Variants in SIRPA observed in about 807,000 individuals in gnomAD.
The protein encoded by SIRPA is tyrosine-protein phosphatase non-receptor type substrate 1.
Under a neutral mutation model 50.3 loss-of-function variants are expected in SIRPA, and 9 were observed. The ratio of observed to expected loss-of-function variants is 0.18; its 90% CI spans 0.11 to 0.31. The LOEUF is 0.31. Among genes scored for constraint, SIRPA ranks in the 10% least tolerant of loss-of-function variants. The pLI is 1.00. For missense variants in SIRPA, 474 were observed against 661.6 expected (o/e 0.72, Z 3.11); for synonymous variants, 265 against 284.1 (o/e 0.93, Z 0.68).
rs1225699405 is a variant in SIRPA, at chr20:1,924,643, A to G, written c.1088-121A>G. 3.9e-6 allele frequency: 3 copies of G among 773,920 alleles called. No individual in the cohort carries two copies. The highest frequency in any genetic ancestry group is 6.6e-6 in the Non-Finnish European group (3 of 456,918). 47.9% of individuals were successfully genotyped at this position (773,920 alleles called of 1,614,324 possible). ...TGTGCCCATGTGGCTCGAGACATCTAAGAAGGTCCAGCCAGATGTTCTCAG... is the reference window on the plus strand; with the variant it reads ...TGTGCCCATGTGGCTCGAGACATCTGAGAAGGTCCAGCCAGATGTTCTCAG... On this transcript the variant is annotated intron_variant, in intron 4 of 7. Transcript: ENST00000358771. This position sits in a 1 kb window ranked among gnomAD's most constrained non-coding sequence, Gnocchi z 4.5.
At chr20:1,897,775 G>T (rs537686283) in intron 1 of SIRPA, among the ~76,000 whole-genome samples, 2 of 152,144 alleles carry the variant, frequency 1.3e-5, no homozygotes, top group Non-Finnish European at 2.9e-5. Flanking sequence ...TATCCTGGGT[G>T]GGGGAGGCAA....
chr20:1,900,617 CAGA>C lies in SIRPA; in HGVS notation c.79+5096_79+5098del, dbSNP rs553086025. Among the ~76,000 whole-genome samples the C allele has an allele frequency of 2.2e-4, 34 of 152,260 alleles. No homozygotes were observed. The South Asian group carries it at 6.8e-3, about 31-fold the overall frequency. On this transcript the variant is annotated intron_variant, in intron 1 of 7. Transcript: ENST00000358771. ...TTCATCCAGTGCCTTATGGTGCGGC[CAGA>C]AGAACAGAGAGAAAAAAACTGGCCG...
intron 2 of SIRPA, among the ~76,000 whole-genome samples, chr20:1,920,733 T>C (rs1000615127): frequency 1.3e-5 from 2 of 152,220 alleles, no homozygotes; most frequent in African/African-American, 4.8e-5. Flanking sequence ...AATTCATAAA[T>C]ACCTGAAGAG....
At chr20:1,911,341 A>G (rs1984876248) in intron 1 of SIRPA, among the ~76,000 whole-genome samples, 1 of 152,222 alleles carries the variant, frequency 6.6e-6, no homozygotes. Context: ...AATGTTGATT[A>G]CAGTTATCTT....
intron 1 of SIRPA, among the ~76,000 whole-genome samples, chr20:1,903,011 CAA>C (rs58735842): frequency 8.8e-5 from 8 of 90,882 alleles, no homozygotes; most frequent in East Asian, 3.7e-4. Context: ...GACTCTGTCT[CAA>C]AAAAAAAAAA....
chr20:1,915,012 A>T (rs113961013), intron 1 of SIRPA, 87 bp from the exon 2 acceptor site: 304,444 of 1,005,542 alleles, frequency 0.3, 57,319 homozygotes, highest in East Asian at 0.64. Flanking sequence ...GTGTGCATCC[A>T]GTCAATGAAC....
At chr20:1,914,484 G>A (rs1444162697) in intron 1 of SIRPA, among the ~76,000 whole-genome samples, 2 of 150,938 alleles carry the variant, frequency 1.3e-5, no homozygotes, top group Non-Finnish European at 3.0e-5. Flanking sequence ...TCTTGCATTT[G>A]TGTGACACTT....
chr20:1,924,228 G>A lies in SIRPA; in HGVS notation c.1088-536G>A, dbSNP rs189448087. On this transcript the variant is annotated intron_variant, in intron 4 of 7. Transcript: ENST00000358771. This position sits in a 1 kb window ranked among gnomAD's most constrained non-coding sequence, Gnocchi z 4.5. ...TCTAGTCTATGACCCCCTTACCTGT[G>A]CTGTGGGCAGTCAAGCCTCCATTGT... 9.2e-5 allele frequency among the ~76,000 whole-genome samples: 14 copies of A among 152,298 alleles called. No homozygotes were observed. Among genetic ancestry groups the A allele is most frequent in the Non-Finnish European group, 1.6e-4 (11 of 68,026 alleles).
rs775792515 is a variant in SIRPA at position 1,922,434 on chromosome 20, C to T, written c.876C>T (p.Asn292=). The T allele has an allele frequency of 8.7e-6, 14 of 1,614,236 alleles. No homozygotes were observed. Among genetic ancestry groups the T allele is most frequent in the South Asian group, 5.5e-5 (5 of 91,088 alleles). Residue 292 remains asparagine, a synonymous_variant, in exon 4 of 8, where the codon AAC becomes AAT. Coordinates refer to ENST00000358771, the MANE Select transcript of SIRPA (RefSeq NM_001040023.2). ...AGCTGACCTGGTTGGAGAATGGAAACGTGTCCCGGACAGAAACGGCCTCAA... is the reference window on the plus strand; with the variant it reads ...AGCTGACCTGGTTGGAGAATGGAAATGTGTCCCGGACAGAAACGGCCTCAA... ...RLQLTWLENG[N]VSRTETASTV...
chr20:1,901,315 C>A (rs575511598), intron 1 of SIRPA, among the ~76,000 whole-genome samples: 1 of 151,828 alleles, frequency 6.6e-6, no homozygotes, highest in East Asian at 1.9e-4. Flanking sequence ...GGACTACAGG[C>A]GCACACCGTC....
intron 1 of SIRPA, among the ~76,000 whole-genome samples, chr20:1,912,565 G>C (rs986808616): frequency 4.6e-5 from 7 of 152,386 alleles, no homozygotes; most frequent in Admixed American, 2.6e-4. Context: ...CTACTATTGG[G>C]AATGTGACAA....
At position 1,928,610 on chromosome 20, in the gene SIRPA, C is replaced by T. The variant is rs1344046507; in HGVS notation, c.1226+711C>T. Among the ~76,000 whole-genome samples the T allele has an allele frequency of 6.6e-6, 1 of 152,094 alleles. No individual in the cohort carries two copies. Among genetic ancestry groups the T allele is most frequent in the Non-Finnish European group, 1.5e-5 (1 of 68,020 alleles). On this transcript the variant is annotated intron_variant, in intron 6 of 7. Coordinates refer to ENST00000358771, the MANE Select transcript of SIRPA (RefSeq NM_001040023.2). This position sits in a 1 kb window ranked among gnomAD's most constrained non-coding sequence, Gnocchi z 4.9. ...TCATATCAGGTGGTGACAACTCCTA[C>T]CCTGCAAGGAGATGGAGGTGAATGG...
At chr20:1,906,326 G>A (rs1984543282) in intron 1 of SIRPA, among the ~76,000 whole-genome samples, 1 of 152,174 alleles carries the variant, frequency 6.6e-6, no homozygotes, top group Admixed American at 6.5e-5. Flanking sequence ...GGACTTATAA[G>A]TGAGTCTATG....
chr20:1,920,929 G>A (rs992817662), intron 2 of SIRPA, among the ~76,000 whole-genome samples: 3 of 152,322 alleles, frequency 2.0e-5, no homozygotes, highest in East Asian at 1.9e-4. Context: ...GTGCCAGGCC[G>A]CCCCTCTCAT....
chr20:1,914,034 C>G (rs1207971776), intron 1 of SIRPA, among the ~76,000 whole-genome samples: 1 of 152,162 alleles, frequency 6.6e-6, no homozygotes, highest in Non-Finnish European at 1.5e-5. Flanking sequence ...CCAGTGTGTC[C>G]CCATCACAGT....
chr20:1,933,943 T>C lies in SIRPA; in HGVS notation c.1227-772T>C, dbSNP rs187719229. Among the ~76,000 whole-genome samples, 95 of 152,252 alleles carry C rather than the reference T, an allele frequency of 6.2e-4. No homozygotes were observed. Among genetic ancestry groups the C allele is most frequent in the African/African-American group, 2.2e-3 (92 of 41,532 alleles). ...TTTTCTTTTCTTTCTTTAATGATGA[T>C]ACATAGATGTTTATAATACAGAACA... On this transcript the variant is annotated intron_variant, in intron 6 of 7. Transcript: ENST00000358771. This position sits in a 1 kb window ranked among gnomAD's most constrained non-coding sequence, Gnocchi z 4.4.
At chr20:1,923,026 T>C (rs1042863030) in intron 4 of SIRPA, among the ~76,000 whole-genome samples, 7 of 151,548 alleles carry the variant, frequency 4.6e-5, no homozygotes, top group South Asian at 4.2e-4. Flanking sequence ...CTGGCTGCCA[T>C]TGGGAGCCTG....
intron 1 of SIRPA, among the ~76,000 whole-genome samples, chr20:1,902,158 CT>C (rs1984255016): frequency 6.6e-6 from 1 of 152,222 alleles, no homozygotes; most frequent in African/African-American, 2.4e-5. Context: ...TGCTTGTCCC[CT>C]GCCCCTATTT....
intron 3 of SIRPA, 101 bp from the exon 4 acceptor site, chr20:1,922,212 C>T: frequency 6.9e-7 from 1 of 1,457,712 alleles, no homozygotes; most frequent in Admixed American, 1.9e-5. Flanking sequence ...CTAGCTCTGT[C>T]CTGGTGATGA....
Sources: allele counts gnomAD v4.1 joint callset (sites outside exome capture counted in the v4.1 genomes callset), GRCh38; gene constraint gnomAD v4.1.1; non-coding constraint Gnocchi (gnomAD v3.1); transcripts MANE v1.5; gene names NCBI Gene and HGNC (gene_info 2026-07-23, HGNC 2026-07-21).